The following STX8 variants were observed in gnomAD, a reference collection of about 807,000 sequenced individuals.
STX8 encodes the protein syntaxin-8.
Under a neutral mutation model 37.5 loss-of-function variants are expected in STX8, and 23 were observed. The ratio of observed to expected loss-of-function variants is 0.61; its 90% confidence interval spans 0.44 to 0.87. The LOEUF (loss-of-function observed/expected upper bound fraction) is 0.87, where lower values mean the gene tolerates loss of function less well. STX8 is among the 40% of genes least tolerant of loss of function. The probability of loss-of-function intolerance (pLI) is 0.00; values close to 1 mark genes in which losing one functional copy is unlikely to be tolerated. For missense variants in STX8, 313 were observed against 284.7 expected (o/e 1.10, Z -0.71); for synonymous variants, 115 against 99.1 (o/e 1.16, Z -0.95).
chr17:9,285,047 C>T (rs1359121456), intron 7 of STX8, among the ~76,000 whole-genome samples: 1 of 152,162 alleles, frequency 6.6e-6, no homozygotes, highest in Admixed American at 6.5e-5. Flanking sequence ...CCCCACCCCC[C>T]TGGAGATTCT....
chr17:9,510,671 A>G (rs113532764), intron 4 of STX8, among the ~76,000 whole-genome samples: 2,914 of 152,238 alleles, frequency 0.019, 45 homozygotes, highest in Middle Eastern at 0.034. Flanking sequence ...AAAAAACTAG[A>G]AAGATTTCAA....
At chr17:9,388,514 A>T (rs1312099276) in intron 6 of STX8, among the ~76,000 whole-genome samples, 1 of 151,542 alleles carries the variant, frequency 6.6e-6, no homozygotes, top group Non-Finnish European at 1.5e-5. Context: ...ACATAAACAT[A>T]TACATTTTTT....
chr17:9,321,319 C>A (rs186786614), intron 7 of STX8, among the ~76,000 whole-genome samples: 1 of 151,898 alleles, frequency 6.6e-6, no homozygotes, highest in African/African-American at 2.4e-5. Context: ...CACCTGAAGT[C>A]AGGAGTTCGA....
At chr17:9,272,392 A>T (rs1364348050) in intron 7 of STX8, among the ~76,000 whole-genome samples, 1 of 152,224 alleles carries the variant, frequency 6.6e-6, no homozygotes, top group Non-Finnish European at 1.5e-5. Flanking sequence ...TCAGCTTGAA[A>T]TGTGATCTCT....
chr17:9,416,541 G>T (rs572711868), intron 6 of STX8, among the ~76,000 whole-genome samples: 1 of 150,902 alleles, frequency 6.6e-6, no homozygotes, highest in African/African-American at 2.4e-5. Context: ...GCTAATTTTT[G>T]TATTTTTAGT....
chr17:9,344,913 A>G (rs2142236713), intron 7 of STX8, among the ~76,000 whole-genome samples: 1 of 152,362 alleles, frequency 6.6e-6, no homozygotes, highest in South Asian at 2.1e-4. Flanking sequence ...CTTGGCAGCC[A>G]GGGAGCCAAG....
chr17:9,511,589 A>C (rs573493054), intron 4 of STX8, among the ~76,000 whole-genome samples: 24 of 152,172 alleles, frequency 1.6e-4, no homozygotes, highest in Non-Finnish European at 3.2e-4. Flanking sequence ...GTATAGAAGG[A>C]AAGTACCTCA....
At position 9,396,293 on chromosome 17, in the gene STX8, G is replaced by A. The variant is rs904161603; in HGVS notation, c.542-17640C>T. 3.3e-5 allele frequency among the ~76,000 whole-genome samples: 5 copies of A among 149,896 alleles called. No individual in the cohort carries two copies. In the Admixed American group the frequency reaches 3.3e-4, roughly 10 times the overall value. The stretch of plus-strand genomic sequence containing the variant: ...TCTGGAAAGGCAAAACTATAGAAAG[G>A]GTAAAATAATCAGTGGTTGCCAGGA... On this transcript the variant is annotated intron_variant, in intron 6 of 7. Coordinates refer to ENST00000306357, the MANE Select transcript of STX8 (RefSeq NM_004853.3).
At chr17:9,261,160 T>C (rs1253867570) in intron 7 of STX8, among the ~76,000 whole-genome samples, 2 of 151,692 alleles carry the variant, frequency 1.3e-5, no homozygotes, top group African/African-American at 4.8e-5. Flanking sequence ...CATGAGCACC[T>C]GGCTGGGCGT....
intron 7 of STX8, among the ~76,000 whole-genome samples, chr17:9,310,840 C>A (rs528794925): frequency 6.6e-6 from 1 of 152,266 alleles, no homozygotes; most frequent in South Asian, 2.1e-4. Flanking sequence ...CTAGACTTAT[C>A]TTGGAAGACA....
intron 4 of STX8, among the ~76,000 whole-genome samples, chr17:9,512,072 C>G (rs559430507): frequency 6.6e-6 from 1 of 152,158 alleles, no homozygotes; most frequent in African/African-American, 2.4e-5. Context: ...CTACAAAACA[C>G]TGATGAAAGA....
chr17:9,451,836 C>T (rs1281488155), intron 6 of STX8, among the ~76,000 whole-genome samples: 3 of 151,782 alleles, frequency 2.0e-5, no homozygotes, highest in Non-Finnish European at 2.9e-5. Flanking sequence ...TCTTAGAAAA[C>T]GGAACAAAAG....
intron 6 of STX8, among the ~76,000 whole-genome samples, chr17:9,475,203 A>G (rs1487598309): frequency 6.6e-6 from 1 of 152,208 alleles, no homozygotes; most frequent in Non-Finnish European, 1.5e-5. Context: ...GTGGCACTGA[A>G]GACACGAAGA....
intron 2 of STX8, among the ~76,000 whole-genome samples, chr17:9,565,164 T>G (rs1907404104): frequency 1.3e-5 from 2 of 152,194 alleles, no homozygotes; most frequent in Non-Finnish European, 2.9e-5. Flanking sequence ...GCCAGGATCG[T>G]GCCACTGCAC....
chr17:9,448,818 G>A (rs1904943079), intron 6 of STX8, among the ~76,000 whole-genome samples: 1 of 151,938 alleles, frequency 6.6e-6, no homozygotes, highest in African/African-American at 2.4e-5. Flanking sequence ...AATGAATGAG[G>A]ACTGACTCTA....
chr17:9,561,557 G>A (rs915943999), intron 2 of STX8, among the ~76,000 whole-genome samples: 4 of 150,972 alleles, frequency 2.6e-5, no homozygotes, highest in East Asian at 3.9e-4. Flanking sequence ...TACTTGGGAC[G>A]CTGTGGCAGG....
intron 6 of STX8, among the ~76,000 whole-genome samples, chr17:9,401,270 C>G (rs73973726): frequency 1.3e-5 from 2 of 152,276 alleles, no homozygotes; most frequent in African/African-American, 4.8e-5. Context: ...AACAGACTAG[C>G]TTTTTATGAA....
intron 6 of STX8, among the ~76,000 whole-genome samples, chr17:9,439,211 G>A (rs1179112615): frequency 6.6e-6 from 1 of 151,952 alleles, no homozygotes; most frequent in Non-Finnish European, 1.5e-5. Context: ...ACCTGGGCCT[G>A]GTCCCAATTC....
At chr17:9,416,970 C>T (rs1372214749) in intron 6 of STX8, among the ~76,000 whole-genome samples, 1 of 152,156 alleles carries the variant, frequency 6.6e-6, no homozygotes, top group African/African-American at 2.4e-5. Flanking sequence ...TGCCTTGACC[C>T]AGACCTGTGA....
Sources: gnomAD v4.1 joint callset for allele counts (sites outside exome capture counted in the v4.1 genomes callset) on GRCh38, gnomAD v4.1.1 for gene constraint, MANE v1.5 for transcripts, NCBI Gene and HGNC (gene_info 2026-07-23, HGNC 2026-07-21) for gene names.